FBXO38: variants seen among roughly 807,000 people sequenced by gnomAD.
The protein encoded by FBXO38 is F-box only protein 38.
A neutral mutation model predicts 131.9 loss-of-function variants in FBXO38; 53 were observed. The observed-to-expected ratio is 0.40, with a 90% confidence interval of 0.32 to 0.51. The LOEUF (loss-of-function observed/expected upper bound fraction) is 0.51. Ranked by LOEUF, FBXO38 falls within the 20% of genes least tolerant of loss-of-function variation. The probability of loss-of-function intolerance (pLI) is 0.53; values close to 1 mark genes in which losing one functional copy is unlikely to be tolerated. For missense variants in FBXO38, 1,076 were observed against 1,475.6 expected (o/e 0.73, Z 4.44); for synonymous variants, 452 against 505.6 (o/e 0.89, Z 1.42).
chr5:148,406,230 C>T (rs1236182279), intron 6 of FBXO38, 27 bp from the exon 7 acceptor site: 2 of 1,536,862 alleles, frequency 1.3e-6, no homozygotes, highest in African/African-American at 1.4e-5. Flanking sequence ...TTACATTGTT[C>T]TATCAAAGAT....
At chr5:148,403,870 A>G (rs1393051946) in intron 5 of FBXO38, among the ~76,000 whole-genome samples, 1 of 152,190 alleles carries the variant, frequency 6.6e-6, no homozygotes, top group Non-Finnish European at 1.5e-5. Context: ...GTTAAATGCC[A>G]TCATCCTGGA....
intron 3 of FBXO38, among the ~76,000 whole-genome samples, chr5:148,399,790 A>C (rs1191821696): frequency 6.6e-6 from 1 of 152,146 alleles, no homozygotes; most frequent in Non-Finnish European, 1.5e-5. Context: ...ACTTAACGCC[A>C]ATCCATTAAT....
rs932741120 is a variant in FBXO38, at chr5:148,413,918, G to C, written c.1094-218G>C. 8 of 395,178 alleles carry C rather than the reference G, an allele frequency of 2.0e-5. No homozygotes were observed. In the Admixed American group the frequency reaches 3.5e-4, roughly 17 times the overall value. The allele number at this position is 395,178 out of a possible 1,614,324, so 24.5% of individuals were successfully genotyped here. A position where few individuals can be genotyped will look rare whatever the true frequency, so the allele number is the denominator to read the frequency against. ...TTGGAAATAATTTTTCCTACTAGCT[G>C]TCCCTTGACTTTTAATATAATTTAT... is the stretch of plus-strand genomic sequence containing the variant. On this transcript the variant is annotated intron_variant, in intron 9 of 21. Coordinates refer to ENST00000340253, the MANE Select transcript of FBXO38 (RefSeq NM_205836.3).
chr5:148,389,921 C>T (rs1581217654), intron 1 of FBXO38: 1 of 151,644 alleles, frequency 6.6e-6, no homozygotes, highest in Non-Finnish European at 1.5e-5. Flanking sequence ...CCCAGTTACT[C>T]GGGAGGCTGA....
Position 148,406,256 on chromosome 5 carries a change from G to T in FBXO38, c.731-1G>T. On this transcript the variant is annotated splice_acceptor_variant, in intron 6 of 21. Transcript: ENST00000340253. LOFTEE classifies it high-confidence loss of function. ...TATCAAAGATTTTTTTTTTTTTCCA[G>T]GACCCACAAATTCCTTGAAATATGT... The T allele has an allele frequency of 6.4e-7, 1 of 1,554,904 alleles. No individual in the cohort carries two copies. The highest frequency in any genetic ancestry group is 2.2e-5 in the Admixed American group (1 of 46,034).
At chr5:148,394,215 A>C (rs965193203) in intron 1 of FBXO38, among the ~76,000 whole-genome samples, 34 of 152,154 alleles carry the variant, frequency 2.2e-4, no homozygotes, top group African/African-American at 7.7e-4. Flanking sequence ...TGAGAGAATG[A>C]AGAATTTTAA....
chr5:148,429,533 A>C (rs961567817), intron 15 of FBXO38, among the ~76,000 whole-genome samples: 35 of 152,162 alleles, frequency 2.3e-4, no homozygotes, highest in African/African-American at 8.4e-4. Flanking sequence ...TTGACTAGCC[A>C]TGCATTTGCC....
At chr5:148,400,593 C>T (rs1200696198) in intron 3 of FBXO38, among the ~76,000 whole-genome samples, 3 of 152,140 alleles carry the variant, frequency 2.0e-5, no homozygotes, top group Admixed American at 2.0e-4. Context: ...TAACCTTGCT[C>T]ACTAATGCCA....
intron 1 of FBXO38, among the ~76,000 whole-genome samples, chr5:148,387,504 G>A (rs1757974218): frequency 1.3e-5 from 2 of 152,046 alleles, no homozygotes; most frequent in South Asian, 4.2e-4. Context: ...ATCCCTCAGA[G>A]TCATCCATGA....
intron 1 of FBXO38, among the ~76,000 whole-genome samples, chr5:148,384,567 G>A (rs1177971371): frequency 1.3e-5 from 2 of 152,184 alleles, no homozygotes; most frequent in African/African-American, 4.8e-5. Flanking sequence ...CCTTGTCTAG[G>A]TCCATTAGCT....
At chr5:148,440,399 A>G (rs1424544417) in intron 19 of FBXO38, 25 bp from the exon 20 acceptor site, 2 of 1,423,874 alleles carry the variant, frequency 1.4e-6, no homozygotes, top group Admixed American at 3.5e-5. Flanking sequence ...TGTAATTTTT[A>G]CTTAATTTTT....
At chr5:148,413,574 C>T (rs966053467) in intron 9 of FBXO38, 1 of 152,054 alleles carries the variant, frequency 6.6e-6, no homozygotes, top group African/African-American at 2.4e-5. Flanking sequence ...TTCCCAAACC[C>T]CTAGTTTGTG....
At chr5:148,422,670 C>T (rs1366129352) in intron 12 of FBXO38, among the ~76,000 whole-genome samples, 2 of 152,092 alleles carry the variant, frequency 1.3e-5, no homozygotes, top group Admixed American at 6.6e-5. Flanking sequence ...TGAAAGAAAT[C>T]GTTTAAACAA....
intron 13 of FBXO38, among the ~76,000 whole-genome samples, chr5:148,424,387 G>C (rs1753605358): frequency 6.6e-6 from 1 of 152,142 alleles, no homozygotes; most frequent in Admixed American, 6.5e-5. Flanking sequence ...TGTAGAAAAA[G>C]AAAACACTCA....
Position 148,402,101 on chromosome 5 carries a change from A to G in FBXO38, c.382A>G (p.Ile128Val). 1 of 1,613,544 alleles carries G rather than the reference A, an allele frequency of 6.2e-7. No homozygotes were observed. The highest frequency in any genetic ancestry group is 8.5e-7 in the Non-Finnish European group (1 of 1,179,534). ...RRVRGHEAFS[I>V]PGVLEALQAC... is the part of the protein sequence containing the mutation. The stretch of plus-strand genomic sequence containing the variant: ...AGTAAGGGGCCATGAGGCTTTTAGC[A>G]TTCCAGGAGTCCTAGAAGCTTTGCA... The change falls in exon 4 of 22, where the codon ATT (isoleucine) becomes GTT (valine). Residue 128 changes from isoleucine (I) to valine (V), a missense_variant. Ile to Val is a conservative substitution (Grantham distance 29). Transcript: ENST00000340253.
intron 12 of FBXO38, 142 bp from the exon 13 acceptor site, chr5:148,423,856 T>C (rs1434618948): frequency 3.2e-6 from 2 of 619,796 alleles, no homozygotes; most frequent in African/African-American, 3.7e-5. Flanking sequence ...ACAAGCACAG[T>C]GTATGCAGTA....
rs559119277 is a variant in FBXO38 at position 148,404,019 on chromosome 5, A to C, written c.593-666A>C. 1.3e-5 allele frequency among the ~76,000 whole-genome samples: 2 copies of C among 152,230 alleles called. 1 individual carries two copies. Among genetic ancestry groups the C allele is most frequent in the African/African-American group, 4.8e-5 (2 of 41,548 alleles). ...CTCTGTGGATATGATTCCTAGTATTAAGCCACTCCTGGATCCCATGCATCA... is the reference window on the plus strand; with the variant it reads ...CTCTGTGGATATGATTCCTAGTATTCAGCCACTCCTGGATCCCATGCATCA... On this transcript the variant is annotated intron_variant, in intron 5 of 21. Coordinates refer to ENST00000340253, the MANE Select transcript of FBXO38 (RefSeq NM_205836.3).
At chr5:148,438,061 A>G (rs903188732) in intron 17 of FBXO38, among the ~76,000 whole-genome samples, 1 of 152,228 alleles carries the variant, frequency 6.6e-6, no homozygotes, top group African/African-American at 2.4e-5. Context: ...AATATTTCCT[A>G]AACAGTTTCT....
rs1168559908 is a variant in FBXO38 at position 148,441,088 on chromosome 5, C to T, written c.3275-36C>T. The T allele has an allele frequency of 4.6e-6, 7 of 1,513,502 alleles. No homozygotes were observed. The East Asian group carries it at 1.1e-4, about 24-fold the overall frequency. 93.8% of individuals were successfully genotyped at this position (1,513,502 alleles called of 1,614,324 possible). A position where few individuals can be genotyped will look rare whatever the true frequency, so the allele number is the denominator to read the frequency against. Reference sequence around the variant, plus strand: ...TGCAGAATTTGGCTCTGTCAGCACTCCCACGCCAGTTAGCAATGTTACATT... The same window carrying T: ...TGCAGAATTTGGCTCTGTCAGCACTTCCACGCCAGTTAGCAATGTTACATT... On this transcript the variant is annotated intron_variant, in intron 20 of 21. Coordinates refer to ENST00000340253, the MANE Select transcript of FBXO38 (RefSeq NM_205836.3).
Sources: gnomAD v4.1 joint callset for allele counts (sites outside exome capture counted in the v4.1 genomes callset) on GRCh38, gnomAD v4.1.1 for gene constraint, MANE v1.5 for transcripts, NCBI Gene and HGNC (gene_info 2026-07-23, HGNC 2026-07-21) for gene names.